The following GSX1 variants were observed in gnomAD, a reference collection of about 807,000 sequenced individuals.
GSX1 encodes GS homeobox 1, also known as GS homeo box protein 1.
A neutral mutation model predicts 17.7 loss-of-function variants in GSX1; 13 were observed. The observed-to-expected ratio is 0.74, with a 90% confidence interval of 0.48 to 1.17. The LOEUF is 1.17. GSX1 is among the 50% of genes most tolerant of loss of function. The probability of loss-of-function intolerance (pLI) is 0.00; values close to 1 mark genes in which losing one functional copy is unlikely to be tolerated. For synonymous variants in GSX1, 202 were observed against 176.2 expected, an observed-to-expected ratio of 1.15 and a Z score of -1.16; for missense variants, 371 against 372.1, an observed-to-expected ratio of 1.00 and a Z score of 0.02.
At position 27,793,687 on chromosome 13, in the gene GSX1, C is replaced by T. The variant is rs751617493; in HGVS notation, c.534C>T (p.Ile178=). The T allele has an allele frequency of 6.8e-6, 11 of 1,614,070 alleles. No individual in the cohort carries two copies. Among genetic ancestry groups the T allele is most frequent in the South Asian group, 1.1e-5 (1 of 91,086 alleles). The change falls in exon 2 of 2, where the codon ATC becomes ATT. Residue 178 remains isoleucine, a synonymous_variant. Transcript: ENST00000302945. This position sits in a 1 kb window ranked among gnomAD's most constrained non-coding sequence, Gnocchi z 6.2. Reference sequence around the variant, plus strand: ...TGTACCTGTCCCGCCTACGTCGCATCGAGATCGCGACCTACCTGAATCTGT... The same window carrying T: ...TGTACCTGTCCCGCCTACGTCGCATTGAGATCGCGACCTACCTGAATCTGT... ...SNMYLSRLRR[I]EIATYLNLSE...
rs1402268216 is a variant in GSX1, at chr13:27,794,628, T to C, written c.*680T>C. On this transcript the variant is annotated 3_prime_UTR_variant, in exon 2 of 2. Transcript: ENST00000302945. Reference sequence around the variant, plus strand: ...TAGTATCCATATTGGGGAAACAGATTTGCTCTGTTTCCAACACGCTCTTCC... The same window carrying C: ...TAGTATCCATATTGGGGAAACAGATCTGCTCTGTTTCCAACACGCTCTTCC... 2.0e-5 allele frequency: 3 copies of C among 151,878 alleles called. No homozygotes were observed. The highest frequency in any genetic ancestry group is 7.3e-5 in the African/African-American group (3 of 41,340). The allele number at this position is 151,878 out of a possible 1,614,324, so 9.4% of individuals were successfully genotyped here.
At position 27,793,788 on chromosome 13, in the gene GSX1, G is replaced by C; in HGVS notation, c.635G>C (p.Arg212Pro). The change falls in exon 2 of 2, where the codon CGT becomes CCT. Residue 212 changes from arginine (R) to proline (P), a missense_variant. Around this residue, in one of 3 missense-constraint regions of GSX1, gnomAD observed 67 missense variants for 108.1 expected, o/e 0.62. Coordinates refer to ENST00000302945, the MANE Select transcript of GSX1 (RefSeq NM_145657.3). The surrounding 1 kb of genome is among the most constrained non-coding windows in gnomAD (Gnocchi z 6.2). ...AAGGAGGGCAAGGGCAGCAACCATC[G>C]TGGCGGCGGCGGCGGGGGTGCCGGT... is the stretch of plus-strand genomic sequence containing the variant. ...HKKEGKGSNHRGGGGGGAGGG... is the reference protein window; with the variant it reads ...HKKEGKGSNHPGGGGGGAGGG... 6.2e-7 allele frequency: 1 copy of C among 1,614,016 alleles called. No individual in the cohort carries two copies.
In GSX1 at chr13:27,793,652, G is replaced by A. The variant is rs1467643599; in HGVS notation, c.499G>A (p.Ala167Thr). The change falls in exon 2 of 2, where the codon GCT becomes ACT. Residue 167 changes from alanine to threonine, a missense_variant. By Grantham distance (58) the Ala-to-Thr change is moderately conservative. Coordinates refer to ENST00000302945, the MANE Select transcript of GSX1 (RefSeq NM_145657.3). This position sits in a 1 kb window ranked among gnomAD's most constrained non-coding sequence, Gnocchi z 6.2. ...TQLLELEREF[A>T]SNMYLSRLRR... The stretch of plus-strand genomic sequence containing the variant: ...GCTGCTAGAGCTGGAGCGCGAGTTC[G>A]CTTCTAATATGTACCTGTCCCGCCT... 6.2e-7 allele frequency: 1 copy of A among 1,614,194 alleles called. No homozygotes were observed. The highest frequency in any genetic ancestry group is 8.5e-7 in the Non-Finnish European group (1 of 1,180,032).
Position 27,793,987 on chromosome 13 carries a change from TGCGCCTCGGAGACTAGTCCTGGGACTCA to T in GSX1, c.*44_*71del, listed in dbSNP as rs1565998380. 3 of 1,514,634 alleles carry T rather than the reference TGCGCCTCGGAGACTAGTCCTGGGACTCA, an allele frequency of 2.0e-6. No individual in the cohort carries two copies. Among genetic ancestry groups the T allele is most frequent in the East Asian group, 4.5e-5 (2 of 44,008 alleles). The allele number at this position is 1,514,634 out of a possible 1,614,324, so 93.8% of individuals were successfully genotyped here. A position where few individuals can be genotyped will look rare whatever the true frequency, so the allele number is the denominator to read the frequency against. ...TAGGTCGCCCACCCCAAGACCTCCC[TGCGCCTCGGAGACTAGTCCTGGGACTCA>T]GCGCTGATTCCCAGGCACCCGCAGC... On this transcript the variant is annotated 3_prime_UTR_variant, in exon 2 of 2. Transcript: ENST00000302945. This position sits in a 1 kb window ranked among gnomAD's most constrained non-coding sequence, Gnocchi z 6.2.
In GSX1 at chr13:27,792,954, G is replaced by T. The variant is rs750711438; in HGVS notation, c.264G>T (p.Ser88=). The T allele has an allele frequency of 3.2e-6, 5 of 1,540,466 alleles. No homozygotes were observed. The highest frequency in any genetic ancestry group is 4.4e-6 in the Non-Finnish European group (5 of 1,148,788). ...LLKASFPPFG[S]QYCHAPLGRQ... Reference sequence around the variant, plus strand: ...AGGCTTCCTTCCCACCCTTCGGCTCGCAGTACTGCCACGCGCCCCTGGGCC... The same window carrying T: ...AGGCTTCCTTCCCACCCTTCGGCTCTCAGTACTGCCACGCGCCCCTGGGCC... The change falls in exon 1 of 2, where the codon TCG becomes TCT. Residue 88 remains serine, a synonymous_variant. Transcript: ENST00000302945.
rs1957086129 is a variant in GSX1, at chr13:27,794,204, T to C, written c.*256T>C. 4.3e-6 allele frequency: 2 copies of C among 465,556 alleles called. No individual in the cohort carries two copies. Among genetic ancestry groups the C allele is most frequent in the Non-Finnish European group, 7.6e-6 (2 of 264,862 alleles). 28.8% of individuals were successfully genotyped at this position (465,556 alleles called of 1,614,324 possible). On this transcript the variant is annotated 3_prime_UTR_variant, in exon 2 of 2. Coordinates refer to ENST00000302945, the MANE Select transcript of GSX1 (RefSeq NM_145657.3). ...AACACTGTAAGCGCTCGAGTCCTCCTGGGCAGTGCAGCACCGCGGCCCCCG... is the reference window on the plus strand; with the variant it reads ...AACACTGTAAGCGCTCGAGTCCTCCCGGGCAGTGCAGCACCGCGGCCCCCG...
Position 27,793,126 on chromosome 13 carries a change from G to C in GSX1, c.412+24G>C. The C allele has an allele frequency of 6.6e-7, 1 of 1,510,948 alleles. No individual in the cohort carries two copies. Among genetic ancestry groups the C allele is most frequent in the East Asian group, 2.4e-5 (1 of 41,640 alleles). 93.6% of individuals were successfully genotyped at this position (1,510,948 alleles called of 1,614,324 possible). A position where few individuals can be genotyped will look rare whatever the true frequency, so the allele number is the denominator to read the frequency against. ...GGGTAAGCGGGGCCGCCGCGCAGAG[G>C]GACCGGGCAGAGGTGATCCGAAGCA... is the stretch of plus-strand genomic sequence containing the variant. On this transcript the variant is annotated intron_variant, in intron 1 of 1. Coordinates refer to ENST00000302945, the MANE Select transcript of GSX1 (RefSeq NM_145657.3). This position sits in a 1 kb window ranked among gnomAD's most constrained non-coding sequence, Gnocchi z 6.2.
rs755138087 is a variant in GSX1 at position 27,793,026 on chromosome 13, C to G, written c.336C>G (p.Ala112=). Residue 112 remains alanine (A), a synonymous_variant, in exon 1 of 2, where the codon GCC becomes GCG. Coordinates refer to ENST00000302945, the MANE Select transcript of GSX1 (RefSeq NM_145657.3). This position sits in a 1 kb window ranked among gnomAD's most constrained non-coding sequence, Gnocchi z 6.2. The part of the protein sequence containing the change: ...VSPGVAHGPA[A]AAAAAALYQT... ...CCGGGGTCGCTCACGGCCCGGCCGCCGCTGCTGCTGCCGCCGCGCTCTACC... is the reference window on the plus strand; with the variant it reads ...CCGGGGTCGCTCACGGCCCGGCCGCGGCTGCTGCTGCCGCCGCGCTCTACC... 1.3e-6 allele frequency: 2 copies of G among 1,583,894 alleles called. No individual in the cohort carries two copies. The highest frequency in any genetic ancestry group is 1.7e-6 in the Non-Finnish European group (2 of 1,172,794).
chr13:27,792,790 C>T lies in GSX1; in HGVS notation c.100C>T (p.Pro34Ser). 8 of 1,500,230 alleles carry T rather than the reference C, an allele frequency of 5.3e-6. No homozygotes were observed. The highest frequency in any genetic ancestry group is 7.1e-6 in the Non-Finnish European group (8 of 1,132,858). 92.9% of individuals were successfully genotyped at this position (1,500,230 alleles called of 1,614,324 possible). Reference protein sequence around the residue: ...SPPPLFPYAVPPPHALHGLSP... With the variant: ...SPPPLFPYAVSPPHALHGLSP... ...GCCGCCGCTCTTCCCCTACGCTGTG[C>T]CCCCGCCGCACGCGCTGCACGGTCT... Residue 34 changes from proline (P) to serine (S), a missense_variant, in exon 1 of 2, where the codon CCC becomes TCC. By Grantham distance (74) the Pro-to-Ser change is moderately conservative. Coordinates refer to ENST00000302945, the MANE Select transcript of GSX1 (RefSeq NM_145657.3).
chr13:27,793,074 C>T lies in GSX1; in HGVS notation c.384C>T (p.Asp128=), dbSNP rs1957077025. ...ACCAGACCTCCTACCCGCTGCCTGA[C>T]CCCAGGCAGTTCCACTGCATCTCTG... ...ALYQTSYPLP[D]PRQFHCISVD... is the part of the protein sequence containing the mutation. The change falls in exon 1 of 2, where the codon GAC becomes GAT. Residue 128 remains aspartate (D), a synonymous_variant. Coordinates refer to ENST00000302945, the MANE Select transcript of GSX1 (RefSeq NM_145657.3). The surrounding 1 kb of genome is among the most constrained non-coding windows in gnomAD (Gnocchi z 6.2). 1 of 1,574,980 alleles carries T rather than the reference C, an allele frequency of 6.3e-7. No individual in the cohort carries two copies. The highest frequency in any genetic ancestry group is 8.6e-7 in the Non-Finnish European group (1 of 1,167,234).
At position 27,794,238 on chromosome 13, in the gene GSX1, C is replaced by G; in HGVS notation, c.*290C>G. 1 of 330,504 alleles carries G rather than the reference C, an allele frequency of 3.0e-6. No individual in the cohort carries two copies. Among genetic ancestry groups the G allele is most frequent in the Non-Finnish European group, 5.5e-6 (1 of 183,086 alleles). 20.5% of individuals were successfully genotyped at this position (330,504 alleles called of 1,614,324 possible). A position where few individuals can be genotyped will look rare whatever the true frequency, so the allele number is the denominator to read the frequency against. On this transcript the variant is annotated 3_prime_UTR_variant, in exon 2 of 2. Transcript: ENST00000302945. ...CAGCACCGCGGCCCCCGCCCGCAAGCCTGCTTGGCGCAGCGCCTTGCTGGC... is the reference window on the plus strand; with the variant it reads ...CAGCACCGCGGCCCCCGCCCGCAAGGCTGCTTGGCGCAGCGCCTTGCTGGC...
Position 27,793,893 on chromosome 13 carries a change from C to T in GSX1, c.740C>T (p.Pro247Leu), listed in dbSNP as rs758201014. ...TGCTCCGAGGATGACGACGAATTGC[C>T]CATGTCTCCGTCCTCCTCAGGGAAG... Reference protein sequence around the residue: ...AKCSEDDDELPMSPSSSGKDD... With the variant: ...AKCSEDDDELLMSPSSSGKDD... The change falls in exon 2 of 2, where the codon CCC (proline) becomes CTC (leucine). Residue 247 changes from proline to leucine, a missense_variant. Physicochemically the swap from Pro to Leu is moderately conservative, Grantham distance 98. This residue lies in a region of GSX1 where 92 missense variants were observed against 70.0 expected (regional missense o/e 1.31). Coordinates refer to ENST00000302945, the MANE Select transcript of GSX1 (RefSeq NM_145657.3). The surrounding 1 kb of genome is among the most constrained non-coding windows in gnomAD (Gnocchi z 6.2). 6 of 1,585,188 alleles carry T rather than the reference C, an allele frequency of 3.8e-6. No homozygotes were observed. The African/African-American group carries it at 8.0e-5, about 21-fold the overall frequency.
chr13:27,792,573 C>G lies in GSX1; in HGVS notation c.-118C>G, dbSNP rs1321073499. The G allele has an allele frequency of 1.1e-6, 1 of 890,444 alleles. No individual in the cohort carries two copies. Among genetic ancestry groups the G allele is most frequent in the East Asian group, 3.4e-5 (1 of 29,508 alleles). The allele number at this position is 890,444 out of a possible 1,614,324, so 55.2% of individuals were successfully genotyped here. On this transcript the variant is annotated 5_prime_UTR_variant, in exon 1 of 2. Coordinates refer to ENST00000302945, the MANE Select transcript of GSX1 (RefSeq NM_145657.3). ...TCAGCCTAGGTCTCAGCCGCGCGTT[C>G]AGCCTCCTGGGCAGAGGCAGCTGCG... is the stretch of plus-strand genomic sequence containing the variant.
chr13:27,793,189 G>T lies in GSX1; in HGVS notation c.412+87G>T. On this transcript the variant is annotated intron_variant, in intron 1 of 1. Transcript: ENST00000302945. This position sits in a 1 kb window ranked among gnomAD's most constrained non-coding sequence, Gnocchi z 6.2. ...AGAGATGGAGGAAGAGGGACCCTGG[G>T]CTTTCTGGGGGCGGTGAGGGTCATG... The T allele has an allele frequency of 1.5e-6, 2 of 1,359,148 alleles. No individual in the cohort carries two copies. The highest frequency in any genetic ancestry group is 3.1e-5 in the South Asian group (2 of 64,774). The allele number at this position is 1,359,148 out of a possible 1,614,324, so 84.2% of individuals were successfully genotyped here.
chr13:27,793,926 G>T lies in GSX1; in HGVS notation c.773G>T (p.Arg258Leu), dbSNP rs1238312718. 2.6e-6 allele frequency: 4 copies of T among 1,560,262 alleles called. No individual in the cohort carries two copies. In the East Asian group the frequency reaches 9.0e-5, roughly 35 times the overall value. The change falls in exon 2 of 2, where the codon CGG becomes CTG. Residue 258 changes from arginine to leucine, a missense_variant. Arg to Leu is a moderately radical substitution (Grantham distance 102, BLOSUM62 -2). Transcript: ENST00000302945. This position sits in a 1 kb window ranked among gnomAD's most constrained non-coding sequence, Gnocchi z 6.2. ...MSPSSSGKDD[R>L]DLTVTP ...CCGTCCTCCTCAGGGAAGGACGACC[G>T]GGATCTTACGGTCACTCCCTAGGCG...
Position 27,793,212 on chromosome 13 carries a change from A to C in GSX1, c.412+110A>C, listed in dbSNP as rs1957077658. The C allele has an allele frequency of 2.4e-6, 3 of 1,228,542 alleles. No individual in the cohort carries two copies. The highest frequency in any genetic ancestry group is 3.0e-5 in the Admixed American group (1 of 33,810). 76.1% of individuals were successfully genotyped at this position (1,228,542 alleles called of 1,614,324 possible). A position where few individuals can be genotyped will look rare whatever the true frequency, so the allele number is the denominator to read the frequency against. On this transcript the variant is annotated intron_variant, in intron 1 of 1. Transcript: ENST00000302945. This position sits in a 1 kb window ranked among gnomAD's most constrained non-coding sequence, Gnocchi z 6.2. ...GGGCTTTCTGGGGGCGGTGAGGGTC[A>C]TGTCGGGGACTAAGGGGGGCGCTTG...
In GSX1 at chr13:27,793,465, G is replaced by C; in HGVS notation, c.413-101G>C. On this transcript the variant is annotated intron_variant, in intron 1 of 1. Coordinates refer to ENST00000302945, the MANE Select transcript of GSX1 (RefSeq NM_145657.3). This position sits in a 1 kb window ranked among gnomAD's most constrained non-coding sequence, Gnocchi z 6.2. ...GGATTGTGTTGGGGCGAAGAGATGG[G>C]TAAGAGGTCAAAGTCGTAGGATTCT... 8.5e-7 allele frequency: 1 copy of C among 1,180,952 alleles called. No homozygotes were observed. Among genetic ancestry groups the C allele is most frequent in the South Asian group, 1.5e-5 (1 of 68,430 alleles). The allele number at this position is 1,180,952 out of a possible 1,614,324, so 73.2% of individuals were successfully genotyped here.
rs1266221004 is a variant in GSX1, at chr13:27,792,742, A to G, written c.52A>G (p.Lys18Glu). The G allele has an allele frequency of 1.1e-5, 16 of 1,476,962 alleles. No homozygotes were observed. Among genetic ancestry groups the G allele is most frequent in the Non-Finnish European group, 1.4e-5 (16 of 1,120,542 alleles). 91.5% of individuals were successfully genotyped at this position (1,476,962 alleles called of 1,614,324 possible). Reference protein sequence around the residue: ...DSLVLREAGEKKAPEGSPPPL... With the variant: ...DSLVLREAGEEKAPEGSPPPL... The stretch of plus-strand genomic sequence containing the variant: ...GCTAGTGCTGCGCGAGGCGGGCGAG[A>G]AGAAGGCGCCCGAGGGCAGCCCGCC... The change falls in exon 1 of 2, where the codon AAG becomes GAG. Residue 18 changes from lysine to glutamate, a missense_variant. Coordinates refer to ENST00000302945, the MANE Select transcript of GSX1 (RefSeq NM_145657.3).
In GSX1 at chr13:27,792,564, C is replaced by A. The variant is rs1957072263; in HGVS notation, c.-127C>A. On this transcript the variant is annotated 5_prime_UTR_variant, in exon 1 of 2. Coordinates refer to ENST00000302945, the MANE Select transcript of GSX1 (RefSeq NM_145657.3). ...GCTACTGTTTCAGCCTAGGTCTCAG[C>A]CGCGCGTTCAGCCTCCTGGGCAGAG... 3 of 797,240 alleles carry A rather than the reference C, an allele frequency of 3.8e-6. No homozygotes were observed. The highest frequency in any genetic ancestry group is 3.4e-5 in the East Asian group (1 of 29,030). 49.4% of individuals were successfully genotyped at this position (797,240 alleles called of 1,614,324 possible). A position where few individuals can be genotyped will look rare whatever the true frequency, so the allele number is the denominator to read the frequency against.
Sources: allele counts gnomAD v4.1 joint callset, GRCh38; gene constraint gnomAD v4.1.1; regional missense constraint gnomAD v4.1.1; non-coding constraint Gnocchi (gnomAD v3.1); transcripts MANE v1.5; gene names NCBI Gene and HGNC (gene_info 2026-07-23, HGNC 2026-07-21).